Variants in CENPU observed in about 807,000 individuals in gnomAD.
CENPU encodes the protein KSHV latent nuclear antigen interacting protein 1.
A neutral mutation model predicts 56.7 loss-of-function variants in CENPU; 46 were observed. That is an observed-to-expected ratio of 0.81 (90% CI 0.64 to 1.04). The LOEUF is 1.04. CENPU is among the 50% of genes least tolerant of loss of function. The pLI, the probability that CENPU is intolerant of heterozygous loss-of-function variation, is 0.00. For missense variants in CENPU, 510 were observed against 490.1 expected (o/e 1.04, Z -0.38); for synonymous variants, 166 against 163.0 (o/e 1.02, Z -0.14).
chr4:184,699,662 G>C, intron 11 of CENPU: 4 of 1,208,038 alleles, frequency 3.3e-6, no homozygotes, highest in Non-Finnish European at 4.3e-6. Context: ...TCCTGTGGCA[G>C]TCTCTCTTTT....
intron 5 of CENPU, 124 bp from the exon 6 acceptor site, chr4:184,716,757 T>A: frequency 1.3e-6 from 1 of 750,758 alleles, no homozygotes; most frequent in South Asian, 1.9e-5. Context: ...AAATTGAACA[T>A]AATAGGAAGA....
At position 184,724,862 on chromosome 4, in the gene CENPU, CTT is replaced by C; in HGVS notation, c.320+93_320+94del. ...AGCATAACAAGTTGGCTCAAAGGAT[CTT>C]GAAATGCTTTTGTTTTATTAGCTTC... On this transcript the variant is annotated intron_variant, in intron 4 of 12. Transcript: ENST00000281453. 5.0e-6 allele frequency: 4 copies of C among 795,536 alleles called. No individual in the cohort carries two copies. In the South Asian group the frequency reaches 7.9e-5, roughly 16 times the overall value. The allele number at this position is 795,536 out of a possible 1,614,324, so 49.3% of individuals were successfully genotyped here.
At chr4:184,699,940 A>C (rs935946040) in intron 11 of CENPU, among the ~76,000 whole-genome samples, 3 of 152,216 alleles carry the variant, frequency 2.0e-5, no homozygotes, top group African/African-American at 4.8e-5. Context: ...TACAGGCGTG[A>C]GCCACCGTGC....
intron 8 of CENPU, among the ~76,000 whole-genome samples, chr4:184,705,772 C>T (rs1362210490): frequency 6.6e-6 from 1 of 152,194 alleles, no homozygotes; most frequent in Non-Finnish European, 1.5e-5. Context: ...ACACAATACA[C>T]AGCCTTAACA....
chr4:184,723,794 G>A (rs897517766), intron 4 of CENPU, among the ~76,000 whole-genome samples: 10 of 122,012 alleles, frequency 8.2e-5, no homozygotes, highest in Non-Finnish European at 1.6e-4. Context: ...AGTGAGCCAA[G>A]ATTGCGCCAC....
intron 3 of CENPU, among the ~76,000 whole-genome samples, chr4:184,727,002 C>A (rs1198933510): frequency 1.3e-5 from 2 of 149,920 alleles, no homozygotes; most frequent in African/African-American, 4.9e-5. Context: ...GGAATCCCAG[C>A]CACTCGGGAA....
chr4:184,707,425 G>A (rs760092897), intron 8 of CENPU, among the ~76,000 whole-genome samples: 15 of 152,114 alleles, frequency 9.9e-5, no homozygotes, highest in Non-Finnish European at 8.8e-5. Flanking sequence ...ACTGAAACTG[G>A]GGTTGGACTT....
At chr4:184,724,173 G>T (rs188893456) in intron 4 of CENPU, among the ~76,000 whole-genome samples, 8 of 152,078 alleles carry the variant, frequency 5.3e-5, no homozygotes, top group African/African-American at 1.7e-4. Flanking sequence ...GGCTGAGGCA[G>T]GAGAATGGCG....
rs750651182 is a variant in CENPU at position 184,695,337 on chromosome 4, T to C, written c.1208A>G (p.His403Arg). 3.8e-5 allele frequency: 61 copies of C among 1,613,558 alleles called. No individual in the cohort carries two copies. The highest frequency in any genetic ancestry group is 4.7e-5 in the Non-Finnish European group (55 of 1,179,614). ...KARTLLGAES[H>R]LRNINHQLEK... ...TAACTGATGGTTGATATTTCGCAGA[T>C]GGCTTTCGGCTCCCAGAAGTGTTCT... is the stretch of plus-strand genomic sequence containing the variant. The change falls in exon 13 of 13, where the codon CAT becomes CGT. Residue 403 changes from histidine to arginine, a missense_variant. Transcript: ENST00000281453.
intron 2 of CENPU, among the ~76,000 whole-genome samples, chr4:184,729,304 A>C (rs28579226): frequency 0.18 from 27,137 of 152,162 alleles, 2,720 homozygotes; most frequent in African/African-American, 0.26. Context: ...GGGGACATAG[A>C]ATTTTTTGAT....
intron 1 of CENPU, chr4:184,733,281 C>T: frequency 3.1e-6 from 3 of 982,438 alleles, no homozygotes; most frequent in Non-Finnish European, 3.6e-6. Context: ...CCACCCTAAC[C>T]CCGCATCTAC....
intron 2 of CENPU, among the ~76,000 whole-genome samples, chr4:184,729,667 A>G (rs1401357): frequency 2.0e-5 from 3 of 152,218 alleles, no homozygotes; most frequent in East Asian, 3.9e-4. Context: ...TGACCTAGGG[A>G]AAGTGATGGG....
chr4:184,724,139 G>C (rs1310961857), intron 4 of CENPU, among the ~76,000 whole-genome samples: 4 of 151,898 alleles, frequency 2.6e-5, no homozygotes, highest in Non-Finnish European at 5.9e-5. Flanking sequence ...GGTGGCGGGC[G>C]CCTGTAGTCC....
At position 184,729,742 on chromosome 4, in the gene CENPU, G is replaced by A. The variant is rs571478009; in HGVS notation, c.97-707C>T. Among the ~76,000 whole-genome samples the A allele has an allele frequency of 3.6e-4, 55 of 152,258 alleles. 1 individual carries two copies. Among genetic ancestry groups the A allele is most frequent in the Admixed American group, 1.2e-3 (18 of 15,302 alleles). ...TAAACAGTTTTAAGGGTACACATGTGTAAAAACTCCTGACTAAAGGACACC... is the reference window on the plus strand; with the variant it reads ...TAAACAGTTTTAAGGGTACACATGTATAAAAACTCCTGACTAAAGGACACC... On this transcript the variant is annotated intron_variant, in intron 2 of 12. Transcript: ENST00000281453.
rs892446476 is a variant in CENPU at position 184,733,429 on chromosome 4, G to A, written c.47+587C>T. ...GCCAGATCCAGGCCGGGCCTTGGAT[G>A]GCCATTCGCCAACGAATCAGCGACC... On this transcript the variant is annotated intron_variant, in intron 1 of 12. Coordinates refer to ENST00000281453, the MANE Select transcript of CENPU (RefSeq NM_024629.4). 12 of 991,894 alleles carry A rather than the reference G, an allele frequency of 1.2e-5. 2 individuals are homozygous for A. The Admixed American group carries it at 5.1e-4, about 42-fold the overall frequency. The allele number at this position is 991,894 out of a possible 1,614,324, so 61.4% of individuals were successfully genotyped here.
chr4:184,733,902 G>T, intron 1 of CENPU, 114 bp downstream of exon 1: 1 of 1,428,832 alleles, frequency 7.0e-7, no homozygotes, highest in Non-Finnish European at 9.8e-7. Flanking sequence ...TTGGCCACTC[G>T]GGCGACCTCC....
intron 7 of CENPU, 31 bp from the exon 8 acceptor site, chr4:184,710,211 T>C: frequency 6.8e-7 from 1 of 1,469,116 alleles, no homozygotes; most frequent in South Asian, 1.2e-5. Context: ...AACATGCTGG[T>C]TATTCATATT....
At chr4:184,727,457 T>C (rs7678412) in intron 3 of CENPU, among the ~76,000 whole-genome samples, 26,985 of 151,986 alleles carry the variant, frequency 0.18, 2,655 homozygotes, top group African/African-American at 0.26. Flanking sequence ...CCATACCCCA[T>C]ACACACACTC....
At chr4:184,726,846 T>C (rs906611894) in intron 3 of CENPU, among the ~76,000 whole-genome samples, 1 of 151,948 alleles carries the variant, frequency 6.6e-6, no homozygotes, top group African/African-American at 2.4e-5. Flanking sequence ...CCCAGCACTT[T>C]GGGAGGCCGA....
Sources: gnomAD v4.1 joint callset for allele counts (sites outside exome capture counted in the v4.1 genomes callset) on GRCh38, gnomAD v4.1.1 for gene constraint, MANE v1.5 for transcripts, NCBI Gene and HGNC (gene_info 2026-07-23, HGNC 2026-07-21) for gene names.